Variants in GABBR2 observed in about 807,000 individuals in gnomAD.
GABBR2 encodes the protein gamma-aminobutyric acid type B receptor subunit 2, also known as G-protein coupled receptor 51.
GABBR2 carries 23 observed loss-of-function variants against 105.6 expected under a neutral mutation model. That is an observed-to-expected ratio of 0.22 (90% CI 0.16 to 0.31). The LOEUF (loss-of-function observed/expected upper bound fraction) is 0.31. GABBR2 is among the 10% of genes least tolerant of loss of function. GABBR2 has a pLI of 1.00. For missense variants in GABBR2, 734 were observed against 1,245.5 expected (o/e 0.59, Z 6.18); for synonymous variants, 478 against 499.7 (o/e 0.96, Z 0.58).
intron 7 of GABBR2, among the ~76,000 whole-genome samples, chr9:98,436,458 C>G (rs1179260396): frequency 7.6e-6 from 1 of 132,394 alleles, no homozygotes; most frequent in African/African-American, 2.9e-5. Flanking sequence ...ATCCACAACA[C>G]TTTACAGTTC....
chr9:98,655,178 AC>A, intron 1 of GABBR2, among the ~76,000 whole-genome samples: 1 of 152,262 alleles, frequency 6.6e-6, no homozygotes, highest in Non-Finnish European at 1.5e-5. Flanking sequence ...ATTTGTCCAA[AC>A]CCACAGAATG....
chr9:98,564,915 T>TGGA (rs147429962), intron 2 of GABBR2, among the ~76,000 whole-genome samples: 1 of 152,122 alleles, frequency 6.6e-6, no homozygotes, highest in Non-Finnish European at 1.5e-5. Flanking sequence ...GAAGCCTTCC[T>TGGA]GGAGGAGGAG....
At position 98,288,159 on chromosome 9, in the gene GABBR2, AG is replaced by A. The variant is rs1228327563; in HGVS notation, c.*2424del. ...TTATTAAAAATCGATACCATGCAGT[AG>A]GGGTACGAGAAATTCCTCATTTACA... is the stretch of plus-strand genomic sequence containing the variant. On this transcript the variant is annotated 3_prime_UTR_variant, in exon 19 of 19. Coordinates refer to ENST00000259455, the MANE Select transcript of GABBR2 (RefSeq NM_005458.8). 2.0e-4 allele frequency: 31 copies of A among 152,674 alleles called. No homozygotes were observed. The highest frequency in any genetic ancestry group is 2.0e-3 in the Admixed American group (31 of 15,288). 9.5% of individuals were successfully genotyped at this position (152,674 alleles called of 1,614,324 possible).
intron 3 of GABBR2, among the ~76,000 whole-genome samples, chr9:98,529,813 A>C (rs1167678052): frequency 6.6e-6 from 1 of 152,086 alleles, no homozygotes; most frequent in East Asian, 1.9e-4. Flanking sequence ...TCATTTAAAA[A>C]CCATCCATGG....
intron 6 of GABBR2, among the ~76,000 whole-genome samples, chr9:98,463,689 G>A (rs779841296): frequency 6.8e-6 from 1 of 147,430 alleles, no homozygotes; most frequent in African/African-American, 2.5e-5. Context: ...AGCCTGGGCA[G>A]TACTGCCGTG....
At chr9:98,442,474 C>A (rs560097704) in intron 7 of GABBR2, among the ~76,000 whole-genome samples, 1 of 152,386 alleles carries the variant, frequency 6.6e-6, no homozygotes, top group Non-Finnish European at 1.5e-5. Flanking sequence ...ATCCCAGCTT[C>A]TCTACTCACT....
chr9:98,655,605 G>C (rs372117096), intron 1 of GABBR2, among the ~76,000 whole-genome samples: 4 of 152,264 alleles, frequency 2.6e-5, no homozygotes, highest in East Asian at 3.9e-4. Flanking sequence ...ATCAATGATA[G>C]ACTGGATAAA....
intron 1 of GABBR2, among the ~76,000 whole-genome samples, chr9:98,579,553 T>A (rs1165334831): frequency 2.6e-5 from 4 of 152,206 alleles, no homozygotes; most frequent in Admixed American, 6.5e-5. Context: ...TGAATTCTTC[T>A]CACTCTTCCT....
rs1174681985 is a variant in GABBR2 at position 98,633,627 on chromosome 9, A to G, written c.322-55555T>C. Among the ~76,000 whole-genome samples the G allele has an allele frequency of 0.013, 66 of 5,000 alleles. No individual in the cohort carries two copies. The African/African-American group carries it at 0.14, about 10-fold the overall frequency. The allele number at this position is 5,000 out of a possible 152,430, so 3.3% of individuals were successfully genotyped here. ...CAACAAGAGCGCGAGACTCCATCTC[A>G]AAAAAAAAAAAAAAAAAAGAATAAG... On this transcript the variant is annotated intron_variant, in intron 1 of 18. Coordinates refer to ENST00000259455, the MANE Select transcript of GABBR2 (RefSeq NM_005458.8).
intron 1 of GABBR2, among the ~76,000 whole-genome samples, chr9:98,590,057 C>G (rs1036421524): frequency 1.3e-5 from 2 of 152,110 alleles, no homozygotes; most frequent in South Asian, 4.2e-4. Flanking sequence ...CGCCTCTGTC[C>G]CCCTTTGCCT....
At chr9:98,365,824 G>GA (rs1288520221) in intron 12 of GABBR2, among the ~76,000 whole-genome samples, 4 of 113,132 alleles carry the variant, frequency 3.5e-5, no homozygotes, top group African/African-American at 1.6e-4. Context: ...AGGAAGGAAA[G>GA]AAAAAAAAGA....
At chr9:98,409,431 ACT>A (rs148900674) in intron 7 of GABBR2, among the ~76,000 whole-genome samples, 8,497 of 152,026 alleles carry the variant, frequency 0.056, 314 homozygotes, top group Middle Eastern at 0.088. Context: ...TGGTGGCCAG[ACT>A]CTGTCCCTCC....
intron 4 of GABBR2, among the ~76,000 whole-genome samples, chr9:98,494,697 T>C (rs1012483186): frequency 6.6e-6 from 1 of 151,334 alleles, no homozygotes; most frequent in South Asian, 2.2e-4. Flanking sequence ...ATTGAGCAAA[T>C]AAAGGTGAAG....
intron 1 of GABBR2, among the ~76,000 whole-genome samples, chr9:98,620,147 T>G (rs1299332845): frequency 6.6e-6 from 1 of 152,224 alleles, no homozygotes; most frequent in African/African-American, 2.4e-5. Context: ...TCTGTACTGC[T>G]ACATTTTATT....
chr9:98,668,149 C>T (rs1310268222), intron 1 of GABBR2, among the ~76,000 whole-genome samples: 1 of 152,308 alleles, frequency 6.6e-6, no homozygotes, highest in East Asian at 1.9e-4. Flanking sequence ...TCCTACCGTC[C>T]GTCCTCTTTT....
intron 1 of GABBR2, among the ~76,000 whole-genome samples, chr9:98,679,687 A>C (rs1830516922): frequency 6.6e-6 from 1 of 152,188 alleles, no homozygotes; most frequent in African/African-American, 2.4e-5. Flanking sequence ...CATAAAACCT[A>C]GGGAAGTCAC....
chr9:98,689,354 G>A (rs2131877135), intron 1 of GABBR2, among the ~76,000 whole-genome samples: 1 of 152,276 alleles, frequency 6.6e-6, no homozygotes, highest in South Asian at 2.1e-4. Flanking sequence ...GAAAAATGGG[G>A]GCAATAACAA....
intron 13 of GABBR2, among the ~76,000 whole-genome samples, chr9:98,351,766 C>G (rs148587363): frequency 2.5e-3 from 377 of 152,302 alleles, no homozygotes; most frequent in Non-Finnish European, 4.5e-3. Context: ...TGTCTTGTAT[C>G]TCACTGAATT....
At chr9:98,314,574 C>T (rs1033626557) in intron 13 of GABBR2, among the ~76,000 whole-genome samples, 9 of 152,176 alleles carry the variant, frequency 5.9e-5, no homozygotes, top group African/African-American at 2.2e-4. Context: ...GCCTGGCTTA[C>T]ACACTGCAGT....
Sources: allele counts gnomAD v4.1 joint callset (sites outside exome capture counted in the v4.1 genomes callset), GRCh38; gene constraint gnomAD v4.1.1; transcripts MANE v1.5; gene names NCBI Gene and HGNC (gene_info 2026-07-23, HGNC 2026-07-21).